Variants in ROR2 observed in about 807,000 individuals in gnomAD.
The protein encoded by ROR2 is tyrosine-protein kinase transmembrane receptor ROR2.
ROR2 carries 33 observed loss-of-function variants against 74.9 expected under a neutral mutation model. That is an observed-to-expected ratio of 0.44 (90% CI 0.33 to 0.59). ROR2 has a LOEUF of 0.59. ROR2 is among the 20% of genes least tolerant of loss of function. The pLI is 0.02. For missense variants in ROR2, 1,216 were observed against 1,313.8 expected (o/e 0.93, Z 1.15); for synonymous variants, 586 against 558.7 (o/e 1.05, Z -0.69).
chr9:91,872,733 C>T (rs541062973), intron 1 of ROR2, among the ~76,000 whole-genome samples: 1 of 152,250 alleles, frequency 6.6e-6, no homozygotes, highest in African/African-American at 2.4e-5. Context: ...GTAAGAACTC[C>T]CTTAGCAGCT....
At chr9:91,895,138 C>A (rs569366600) in intron 1 of ROR2, among the ~76,000 whole-genome samples, 35 of 152,164 alleles carry the variant, frequency 2.3e-4, no homozygotes, top group African/African-American at 7.7e-4. Context: ...AACTTAAATG[C>A]CAATTGCTAA....
At chr9:91,730,798 T>G in intron 7 of ROR2, 112 bp downstream of exon 7, 1 of 1,412,672 alleles carries the variant, frequency 7.1e-7, no homozygotes, top group African/African-American at 1.4e-5. Flanking sequence ...ATCAGGGGTC[T>G]CTGGTCGCCA....
intron 4 of ROR2, among the ~76,000 whole-genome samples, chr9:91,754,104 C>A (rs115788479): frequency 2.0e-5 from 3 of 151,748 alleles, no homozygotes; most frequent in African/African-American, 7.3e-5. Context: ...CGGGACTTTC[C>A]GAAACTGCCC....
chr9:91,737,603 G>A lies in ROR2; in HGVS notation c.495-85C>T, dbSNP rs993810955. On this transcript the variant is annotated intron_variant, in intron 4 of 8. Coordinates refer to ENST00000375708, the MANE Select transcript of ROR2 (RefSeq NM_004560.4). ...CTTCTTTTATGATCCAGCATCTTGC[G>A]ATCCAGCAATTTTGTTACTTGGTAT... 5.4e-5 allele frequency: 86 copies of A among 1,589,410 alleles called. 1 individual carries two copies. The highest frequency in any genetic ancestry group is 1.7e-4 in the Middle Eastern group (1 of 6,016).
At chr9:91,801,331 TTTTTA>T (rs751715383) in intron 1 of ROR2, among the ~76,000 whole-genome samples, 239 of 152,212 alleles carry the variant, frequency 1.6e-3, no homozygotes, top group African/African-American at 5.2e-3. Context: ...TTTGCACGCT[TTTTTA>T]TTTTATTTTA....
At chr9:91,861,984 AGGCCCTAAGGGTGG>A (rs1829481938) in intron 1 of ROR2, among the ~76,000 whole-genome samples, 1 of 152,108 alleles carries the variant, frequency 6.6e-6, no homozygotes, top group South Asian at 2.1e-4. Flanking sequence ...GTTTTAGATG[AGGCCCTAAGGGTGG>A]GGCCCCCATG....
intron 7 of ROR2, among the ~76,000 whole-genome samples, chr9:91,729,318 G>A (rs1837155652): frequency 6.6e-6 from 1 of 152,236 alleles, no homozygotes. Flanking sequence ...ACAGGGCACA[G>A]GGCCATCCTT....
At chr9:91,760,373 C>G (rs1430589253) in intron 2 of ROR2, among the ~76,000 whole-genome samples, 2 of 152,186 alleles carry the variant, frequency 1.3e-5, no homozygotes, top group African/African-American at 4.8e-5. Flanking sequence ...GTGGCTCACG[C>G]CTGTAATCCC....
chr9:91,830,809 C>CGTGTGTGTGTGTGTGTGTGT (rs34963566), intron 1 of ROR2, among the ~76,000 whole-genome samples: 20 of 139,678 alleles, frequency 1.4e-4, no homozygotes, highest in Admixed American at 1.3e-3. Flanking sequence ...TAACTGTGTC[C>CGTGTGTGTGTGTGTGTGTGT]GTGTGTGTGT....
chr9:91,734,311 T>C (rs1824948229), intron 5 of ROR2, among the ~76,000 whole-genome samples: 1 of 152,158 alleles, frequency 6.6e-6, no homozygotes. Context: ...ACAATTGAGC[T>C]TGGGGACAGT....
At chr9:91,802,323 G>A (rs1039402663) in intron 1 of ROR2, among the ~76,000 whole-genome samples, 1 of 151,952 alleles carries the variant, frequency 6.6e-6, no homozygotes, top group Non-Finnish European at 1.5e-5. Context: ...TGATCCGCCT[G>A]CCTCGGCCTC....
chr9:91,821,382 T>C (rs1394160865), intron 1 of ROR2, among the ~76,000 whole-genome samples: 1 of 152,176 alleles, frequency 6.6e-6, no homozygotes, highest in Non-Finnish European at 1.5e-5. Context: ...CCAACTCCTT[T>C]AGTTAAAAAG....
intron 1 of ROR2, among the ~76,000 whole-genome samples, chr9:91,843,076 G>C (rs546070995): frequency 5.3e-5 from 8 of 152,090 alleles, no homozygotes; most frequent in African/African-American, 1.9e-4. Context: ...AAAAATGAGA[G>C]AAAAAAAACC....
chr9:91,921,936 C>T (rs147674426), intron 1 of ROR2, among the ~76,000 whole-genome samples: 1 of 136,872 alleles, frequency 7.3e-6, no homozygotes, highest in African/African-American at 3.0e-5. Flanking sequence ...GGCAAAGGAT[C>T]TGAATAGACA....
chr9:91,746,020 A>T (rs1587679623), intron 4 of ROR2, among the ~76,000 whole-genome samples: 2 of 152,228 alleles, frequency 1.3e-5, no homozygotes, highest in South Asian at 4.1e-4. Context: ...GCCAAATGTC[A>T]GCCTTTTGCC....
intron 1 of ROR2, among the ~76,000 whole-genome samples, chr9:91,917,538 G>A (rs576221960): frequency 2.6e-4 from 40 of 152,320 alleles, no homozygotes; most frequent in African/African-American, 9.4e-4. Context: ...GTGCTGAAAA[G>A]GAAATGTGCT....
intron 4 of ROR2, among the ~76,000 whole-genome samples, chr9:91,751,262 T>C (rs934593702): frequency 2.0e-5 from 3 of 152,216 alleles, no homozygotes; most frequent in Non-Finnish European, 1.5e-5. Context: ...ATACTGTATA[T>C]TAGTTAAAAT....
intron 1 of ROR2, among the ~76,000 whole-genome samples, chr9:91,800,963 T>A (rs1310147343): frequency 6.6e-6 from 1 of 151,976 alleles, no homozygotes; most frequent in Non-Finnish European, 1.5e-5. Flanking sequence ...GAGGGGAAAG[T>A]TTTGCAGAAA....
At chr9:91,790,382 A>G (rs1487504353) in intron 1 of ROR2, among the ~76,000 whole-genome samples, 2 of 151,846 alleles carry the variant, frequency 1.3e-5, no homozygotes, top group Non-Finnish European at 2.9e-5. Flanking sequence ...TGGTGGCGAA[A>G]GCCTGTAATC....
Sources: allele counts gnomAD v4.1 joint callset (sites outside exome capture counted in the v4.1 genomes callset), GRCh38; gene constraint gnomAD v4.1.1; transcripts MANE v1.5; gene names NCBI Gene and HGNC (gene_info 2026-07-23, HGNC 2026-07-21).